GALNTL6: variants seen among roughly 807,000 people sequenced by gnomAD.
The protein encoded by GALNTL6 is polypeptide N-acetylgalactosaminyltransferase-like 6.
In GALNTL6, 46 loss-of-function variants were observed where a neutral mutation model predicts 73.7. The ratio of observed to expected loss-of-function variants is 0.62; its 90% CI spans 0.49 to 0.80. GALNTL6 has a LOEUF of 0.80. GALNTL6 is among the 30% of genes least tolerant of loss of function. The pLI is 0.00. For missense variants in GALNTL6, 604 were observed against 755.0 expected, an observed-to-expected ratio of 0.80 and a Z score of 2.34; for synonymous variants, 259 against 263.7, an observed-to-expected ratio of 0.98 and a Z score of 0.17.
At chr4:172,661,040 C>A (rs944095595) in intron 5 of GALNTL6, among the ~76,000 whole-genome samples, 1 of 152,098 alleles carries the variant, frequency 6.6e-6, no homozygotes, top group African/African-American at 2.4e-5. Context: ...TTTATGACAA[C>A]TGGATTGGGC....
At chr4:172,659,703 T>C (rs1731271029) in intron 5 of GALNTL6, among the ~76,000 whole-genome samples, 1 of 152,222 alleles carries the variant, frequency 6.6e-6, no homozygotes, top group Non-Finnish European at 1.5e-5. Flanking sequence ...GAAGGTTTTC[T>C]ATAGATAGGA....
chr4:172,276,441 T>C (rs1481766269), intron 3 of GALNTL6, among the ~76,000 whole-genome samples: 2 of 152,212 alleles, frequency 1.3e-5, no homozygotes, highest in Non-Finnish European at 1.5e-5. Flanking sequence ...GAAAGTGAAC[T>C]ATTTTAAAAT....
At chr4:171,959,416 G>T (rs999375704) in intron 2 of GALNTL6, among the ~76,000 whole-genome samples, 1 of 152,170 alleles carries the variant, frequency 6.6e-6, no homozygotes, top group Non-Finnish European at 1.5e-5. Context: ...CTTTAAAATA[G>T]AGTTCTGTAG....
At chr4:172,826,650 C>T (rs970853790) in intron 7 of GALNTL6, among the ~76,000 whole-genome samples, 2 of 152,170 alleles carry the variant, frequency 1.3e-5, no homozygotes, top group Admixed American at 6.5e-5. Flanking sequence ...ATGGGGGGAA[C>T]GGGACATCCC....
rs150218622 is a variant in GALNTL6 at position 171,838,648 on chromosome 4, C to T, written c.138+23930C>T. Among the ~76,000 whole-genome samples, 415 of 152,096 alleles carry T rather than the reference C, an allele frequency of 2.7e-3. 4 individuals carry two copies. Among genetic ancestry groups the T allele is most frequent in the African/African-American group, 9.4e-3 (389 of 41,488 alleles). On this transcript the variant is annotated intron_variant, in intron 2 of 12. Coordinates refer to ENST00000506823, the MANE Select transcript of GALNTL6 (RefSeq NM_001034845.3). ...AAAATATGAGTTTCTAACATTAGTC[C>T]GAGGTGCTTTTTCATATCTCCGTTG...
At chr4:172,204,498 C>A (rs1736049577) in intron 2 of GALNTL6, among the ~76,000 whole-genome samples, 1 of 152,080 alleles carries the variant, frequency 6.6e-6, no homozygotes, top group African/African-American at 2.4e-5. Flanking sequence ...GTAATAATGT[C>A]TTTTATCTCA....
chr4:172,305,344 ATATTTAAATAT>A (rs1357492223), intron 3 of GALNTL6, among the ~76,000 whole-genome samples: 2 of 152,108 alleles, frequency 1.3e-5, no homozygotes, highest in Non-Finnish European at 2.9e-5. Flanking sequence ...TAATACTTAT[ATATTTAAATAT>A]AATATTTAAT....
chr4:171,991,712 ATG>A (rs376844621), intron 2 of GALNTL6, among the ~76,000 whole-genome samples: 2,067 of 137,234 alleles, frequency 0.015, 33 homozygotes, highest in South Asian at 0.047. Flanking sequence ...GTTTGATTAT[ATG>A]TGTGTGTGTG....
At chr4:172,313,781 TAAGAAAAA>T (rs1293773774) in intron 4 of GALNTL6, among the ~76,000 whole-genome samples, 1 of 151,964 alleles carries the variant, frequency 6.6e-6, no homozygotes, top group Non-Finnish European at 1.5e-5. Context: ...GGTCATGTAG[TAAGAAAAA>T]AAGAAAAAAT....
At chr4:172,416,033 G>A (rs1349556912) in intron 5 of GALNTL6, among the ~76,000 whole-genome samples, 1 of 152,136 alleles carries the variant, frequency 6.6e-6, no homozygotes, top group African/African-American at 2.4e-5. Context: ...AAGACAATAT[G>A]AGGGGTGGTC....
At chr4:172,155,426 A>C (rs953811138) in intron 2 of GALNTL6, among the ~76,000 whole-genome samples, 2 of 152,196 alleles carry the variant, frequency 1.3e-5, no homozygotes, top group Non-Finnish European at 2.9e-5. Flanking sequence ...ACAGCAGCTT[A>C]ATTTGGGGTT....
intron 5 of GALNTL6, among the ~76,000 whole-genome samples, chr4:172,591,051 T>C (rs1737616738): frequency 1.3e-5 from 2 of 152,170 alleles, no homozygotes; most frequent in Non-Finnish European, 2.9e-5. Context: ...TTTAGGAAAC[T>C]AAACAGGATT....
At chr4:172,460,827 G>A (rs543159026) in intron 5 of GALNTL6, among the ~76,000 whole-genome samples, 2 of 152,306 alleles carry the variant, frequency 1.3e-5, no homozygotes, top group Non-Finnish European at 2.9e-5. Context: ...CAAGGATCTA[G>A]AACCAGAAAT....
intron 3 of GALNTL6, among the ~76,000 whole-genome samples, chr4:172,258,069 C>T (rs1377460900): frequency 6.6e-6 from 1 of 151,182 alleles, no homozygotes; most frequent in Non-Finnish European, 1.5e-5. Context: ...AGTTGATATT[C>T]TATAATCATT....
intron 5 of GALNTL6, among the ~76,000 whole-genome samples, chr4:172,363,114 A>G (rs1419444813): frequency 6.6e-6 from 1 of 152,170 alleles, no homozygotes; most frequent in Non-Finnish European, 1.5e-5. Flanking sequence ...TCTCTAGTTC[A>G]TCTTTCTCTA....
chr4:172,173,938 C>A (rs1190297302), intron 2 of GALNTL6, among the ~76,000 whole-genome samples: 2 of 151,768 alleles, frequency 1.3e-5, no homozygotes, highest in East Asian at 3.9e-4. Context: ...AGAGGGGTGC[C>A]AGTGGAGAGG....
intron 2 of GALNTL6, among the ~76,000 whole-genome samples, chr4:172,207,020 T>A (rs892487302): frequency 6.6e-6 from 1 of 151,234 alleles, no homozygotes; most frequent in Admixed American, 6.6e-5. Flanking sequence ...GGTTTCACCA[T>A]GTTAGCCAGG....
intron 8 of GALNTL6, among the ~76,000 whole-genome samples, chr4:172,883,110 G>A (rs1043726144): frequency 2.0e-5 from 3 of 151,966 alleles, no homozygotes; most frequent in African/African-American, 7.3e-5. Flanking sequence ...ATACATATTT[G>A]TGGGGTACAT....
intron 2 of GALNTL6, among the ~76,000 whole-genome samples, chr4:172,168,444 G>T (rs899350894): frequency 1.3e-5 from 2 of 152,126 alleles, no homozygotes; most frequent in Non-Finnish European, 2.9e-5. Flanking sequence ...TTTATACATA[G>T]ATTGGCATAT....
Sources: allele counts gnomAD v4.1 joint callset (sites outside exome capture counted in the v4.1 genomes callset), GRCh38; gene constraint gnomAD v4.1.1; transcripts MANE v1.5; gene names NCBI Gene and HGNC (gene_info 2026-07-23, HGNC 2026-07-21).